Variants in SAMD5 observed in about 807,000 individuals in gnomAD.
SAMD5 encodes sterile alpha motif domain containing 5.
In SAMD5, 13 loss-of-function variants were observed where a neutral mutation model predicts 11.3. The observed-to-expected ratio is 1.15, with a 90% CI of 0.75 to 1.83. SAMD5 has a LOEUF of 1.83. Ranked by LOEUF, SAMD5 falls within the 40% of genes most tolerant of loss-of-function variation. The pLI is 0.00. For missense variants in SAMD5, 255 were observed against 239.1 expected, an observed-to-expected ratio of 1.07 and a Z score of -0.44; for synonymous variants, 129 against 111.3, an observed-to-expected ratio of 1.16 and a Z score of -1.00.
At chr6:147,890,934 A>G in the SAMD5 span, among the ~76,000 whole-genome samples, 3 of 152,228 alleles carry the variant, frequency 2.0e-5, no homozygotes, top group Non-Finnish European at 4.4e-5. Context: ...CAATGGCACA[A>G]TGCACTATGT....
chr6:147,798,988 A>G, the SAMD5 span, among the ~76,000 whole-genome samples: 1 of 152,144 alleles, frequency 6.6e-6, no homozygotes, highest in Non-Finnish European at 1.5e-5. Context: ...GATTTCCTGA[A>G]TACAGCACAC....
the SAMD5 span, among the ~76,000 whole-genome samples, chr6:147,809,772 C>T: frequency 6.6e-6 from 1 of 152,182 alleles, no homozygotes; most frequent in Non-Finnish European, 1.5e-5. Context: ...ACATTTGTAG[C>T]CAGATCATTC....
chr6:147,904,943 C>T, the SAMD5 span, among the ~76,000 whole-genome samples: 58 of 150,100 alleles, frequency 3.9e-4, no homozygotes, highest in African/African-American at 1.3e-3. Context: ...GGCTGGAGTG[C>T]GATGGTGCGA....
intron 1 of SAMD5, among the ~76,000 whole-genome samples, chr6:147,722,076 C>T (rs926385970): frequency 2.6e-5 from 4 of 152,102 alleles, no homozygotes; most frequent in Non-Finnish European, 5.9e-5. Context: ...TGCCAATATG[C>T]CTATTTTTAC....
chr6:147,730,871 A>C (rs761191780), intron 1 of SAMD5, among the ~76,000 whole-genome samples: 1 of 152,138 alleles, frequency 6.6e-6, no homozygotes, highest in Non-Finnish European at 1.5e-5. Context: ...TGTGTGGACC[A>C]CTGGTGACTG....
chr6:147,941,977 G>A, the SAMD5 span, among the ~76,000 whole-genome samples: 8 of 152,040 alleles, frequency 5.3e-5, no homozygotes, highest in African/African-American at 1.4e-4. Context: ...TGATTCAAGC[G>A]ATTCTCCTGC....
At chr6:147,912,068 T>G in the SAMD5 span, among the ~76,000 whole-genome samples, 1 of 152,112 alleles carries the variant, frequency 6.6e-6, no homozygotes, top group Non-Finnish European at 1.5e-5. Flanking sequence ...CACCGTTACT[T>G]CTCATAGATT....
chr6:147,917,607 G>C, the SAMD5 span, among the ~76,000 whole-genome samples: 4 of 152,136 alleles, frequency 2.6e-5, no homozygotes, highest in South Asian at 8.3e-4. Flanking sequence ...ATTGCTTTTG[G>C]TGTTTTAGAC....
the SAMD5 span, among the ~76,000 whole-genome samples, chr6:147,835,730 G>A: frequency 2.0e-5 from 3 of 152,098 alleles, no homozygotes; most frequent in Non-Finnish European, 4.4e-5. Flanking sequence ...ACACAGGAGG[G>A]AGACTGGAGA....
the SAMD5 span, among the ~76,000 whole-genome samples, chr6:147,861,728 C>T: frequency 6.8e-3 from 1,043 of 152,332 alleles, 15 homozygotes; most frequent in African/African-American, 0.024. Context: ...CTCGGGTCCA[C>T]TTCCATACCC....
At chr6:147,795,986 G>A in the SAMD5 span, among the ~76,000 whole-genome samples, 1 of 148,130 alleles carries the variant, frequency 6.8e-6, no homozygotes, top group Non-Finnish European at 1.5e-5. Context: ...AGATGAGTAG[G>A]TTGCGAAAAT....
chr6:147,573,770 A>G (rs747119633), downstream of SAMD5, among the ~76,000 whole-genome samples: 15 of 152,200 alleles, frequency 9.9e-5, no homozygotes, highest in Non-Finnish European at 2.1e-4. Context: ...GGAGGGTGGG[A>G]ACAGAAAAGA....
chr6:147,804,675 A>G, the SAMD5 span, among the ~76,000 whole-genome samples: 1 of 152,218 alleles, frequency 6.6e-6, no homozygotes, highest in Non-Finnish European at 1.5e-5. Context: ...AAAAAGCGGA[A>G]AAAAAGGGAG....
chr6:147,567,931 A>T lies in SAMD5; in HGVS notation c.*3475A>T, dbSNP rs965475524. 2.0e-6 allele frequency: 2 copies of T among 985,980 alleles called. No homozygotes were observed. Among genetic ancestry groups the T allele is most frequent in the African/African-American group, 3.5e-5 (2 of 57,248 alleles). 61.1% of individuals were successfully genotyped at this position (985,980 alleles called of 1,614,324 possible). The stretch of plus-strand genomic sequence containing the variant: ...GCAAGATCCCGTCTCAAAACAAAAC[A>T]AAACAAAACAAAACAGCAAATTCAT... On this transcript the variant is annotated 3_prime_UTR_variant, in exon 2 of 2. Coordinates refer to ENST00000367474, the MANE Select transcript of SAMD5 (RefSeq NM_001030060.3).
the SAMD5 span, among the ~76,000 whole-genome samples, chr6:147,947,803 T>TCTTTTTTTCTTTTACTTCTTTC: frequency 4.0e-4 from 61 of 152,342 alleles, 3 homozygotes; most frequent in South Asian, 0.012. Context: ...AATTTTCTTG[T>TCTTTTTTTCTTTTACTTCTTTC]CTTTTTTTCT....
At chr6:147,635,623 C>T (rs1347899783) in intron 1 of SAMD5, among the ~76,000 whole-genome samples, 3 of 152,184 alleles carry the variant, frequency 2.0e-5, no homozygotes, top group African/African-American at 7.2e-5. Context: ...TTCTACCCCT[C>T]TAACTTGGGC....
chr6:147,753,912 C>T, the SAMD5 span, among the ~76,000 whole-genome samples: 1 of 152,286 alleles, frequency 6.6e-6, no homozygotes, highest in Non-Finnish European at 1.5e-5. Flanking sequence ...GAATAGTACT[C>T]CATTGTGTAT....
intron 1 of SAMD5, among the ~76,000 whole-genome samples, chr6:147,605,764 G>A (rs1024733045): frequency 6.6e-6 from 1 of 152,064 alleles, no homozygotes; most frequent in Non-Finnish European, 1.5e-5. Flanking sequence ...GTGATGAGTT[G>A]AGCCGAAAGA....
intron 1 of SAMD5, among the ~76,000 whole-genome samples, chr6:147,591,371 G>A (rs566484355): frequency 1.3e-5 from 2 of 152,290 alleles, no homozygotes; most frequent in East Asian, 1.9e-4. Flanking sequence ...TGCCCAGCAC[G>A]GGACCCTGCA....
Sources: gnomAD v4.1 joint callset for allele counts (sites outside exome capture counted in the v4.1 genomes callset) on GRCh38, gnomAD v4.1.1 for gene constraint, MANE v1.5 for transcripts, NCBI Gene and HGNC (gene_info 2026-07-23, HGNC 2026-07-21) for gene names.